The following MTREX variants were observed in gnomAD, a reference collection of about 807,000 sequenced individuals.
MTREX encodes the protein exosome RNA helicase MTR4.
MTREX carries 76 observed loss-of-function variants against 135.4 expected under a neutral mutation model. That is an observed-to-expected ratio of 0.56 (90% CI 0.47 to 0.68). The LOEUF (loss-of-function observed/expected upper bound fraction) is 0.68, where lower values mean the gene tolerates loss of function less well. MTREX is among the 30% of genes least tolerant of loss of function. The probability of loss-of-function intolerance (pLI) is 0.00; values close to 1 mark genes in which losing one functional copy is unlikely to be tolerated. For missense variants in MTREX, 920 were observed against 1,262.1 expected (o/e 0.73, Z 4.11); for synonymous variants, 404 against 401.6 (o/e 1.01, Z -0.07).
intron 11 of MTREX, among the ~76,000 whole-genome samples, chr5:55,348,974 G>A (rs372687589): frequency 3.9e-5 from 6 of 152,044 alleles, no homozygotes; most frequent in African/African-American, 1.5e-4. Context: ...AATAGTTCCT[G>A]TGTCCTGTAA....
chr5:55,377,359 T>A (rs1056181431), intron 16 of MTREX, among the ~76,000 whole-genome samples: 1 of 152,140 alleles, frequency 6.6e-6, no homozygotes, highest in Non-Finnish European at 1.5e-5. Flanking sequence ...CTATGGATTT[T>A]AAAAACGGAA....
chr5:55,390,464 A>G (rs1369057683), intron 19 of MTREX, among the ~76,000 whole-genome samples: 3 of 152,130 alleles, frequency 2.0e-5, no homozygotes, highest in Non-Finnish European at 4.4e-5. Flanking sequence ...TTACTTTTCT[A>G]AAAAAGGCTT....
chr5:55,390,090 A>G (rs1426746821), intron 19 of MTREX, among the ~76,000 whole-genome samples: 2 of 151,932 alleles, frequency 1.3e-5, no homozygotes, highest in African/African-American at 2.4e-5. Flanking sequence ...ATCAGCGTTT[A>G]TAGAAGACTA....
At chr5:55,395,101 GAT>G (rs1750627225) in intron 19 of MTREX, among the ~76,000 whole-genome samples, 1 of 150,136 alleles carries the variant, frequency 6.7e-6, no homozygotes, top group Admixed American at 6.7e-5. Flanking sequence ...TCCAGAGAGA[GAT>G]ATATAAAATA....
At chr5:55,351,218 AC>A (rs1360754787) in intron 13 of MTREX, among the ~76,000 whole-genome samples, 189 bp downstream of exon 13, 8 of 152,140 alleles carry the variant, frequency 5.3e-5, no homozygotes, top group African/African-American at 1.4e-4. Flanking sequence ...TAAAAAAAAA[AC>A]ATTTGTTTCC....
chr5:55,351,114 A>G (rs1749820457), intron 13 of MTREX, 85 bp downstream of exon 13: 4 of 1,394,066 alleles, frequency 2.9e-6, no homozygotes, highest in East Asian at 5.5e-5. Flanking sequence ...TATAGGCAAT[A>G]TGTGTGTTTT....
Position 55,424,748 on chromosome 5 carries a change from G to A in MTREX, c.3105G>A (p.Val1035=). 6.2e-7 allele frequency: 1 copy of A among 1,612,362 alleles called. No individual in the cohort carries two copies. Among genetic ancestry groups the A allele is most frequent in the Non-Finnish European group, 8.5e-7 (1 of 1,178,488 alleles). ...EGITKIKRDI[V]FAASLYL Reference sequence around the variant, plus strand: ...TCACCAAAATCAAGAGAGATATTGTGTTTGCTGCCAGCCTCTACTTGTAGA... The same window carrying A: ...TCACCAAAATCAAGAGAGATATTGTATTTGCTGCCAGCCTCTACTTGTAGA... Residue 1035 remains valine, a synonymous_variant, in exon 27 of 27, where the codon GTG becomes GTA. Transcript: ENST00000230640.
At chr5:55,385,476 C>A (rs748820823) in intron 18 of MTREX, among the ~76,000 whole-genome samples, 1 of 152,122 alleles carries the variant, frequency 6.6e-6, no homozygotes, top group Non-Finnish European at 1.5e-5. Context: ...TCCTAAAAGC[C>A]CTTTCCAAGC....
At chr5:55,389,879 T>C (rs1240633198) in intron 19 of MTREX, among the ~76,000 whole-genome samples, 2 of 152,126 alleles carry the variant, frequency 1.3e-5, no homozygotes, top group East Asian at 3.8e-4. Flanking sequence ...CCTTGTAGAT[T>C]ATCTTGAATA....
chr5:55,366,378 T>G (rs1423748011), intron 15 of MTREX, among the ~76,000 whole-genome samples: 1 of 152,162 alleles, frequency 6.6e-6, no homozygotes, highest in African/African-American at 2.4e-5. Flanking sequence ...TAATCACGGC[T>G]GCTCAGGAGG....
At chr5:55,331,593 CTTAT>C (rs1035694440) in intron 5 of MTREX, among the ~76,000 whole-genome samples, 1 of 152,178 alleles carries the variant, frequency 6.6e-6, no homozygotes, top group African/African-American at 2.4e-5. Context: ...TTTCCTAAGA[CTTAT>C]TCACGGATCA....
chr5:55,354,235 A>G (rs1749874135), intron 14 of MTREX, among the ~76,000 whole-genome samples: 1 of 152,208 alleles, frequency 6.6e-6, no homozygotes. Flanking sequence ...CTTGAGAAGT[A>G]TGTTCAGGGA....
At chr5:55,322,293 C>T (rs537323311) in intron 1 of MTREX, 34 bp from the exon 2 acceptor site, 2 of 1,569,008 alleles carry the variant, frequency 1.3e-6, no homozygotes, top group South Asian at 2.4e-5. Flanking sequence ...AAAGTGGATA[C>T]TGCAGAATTC....
At chr5:55,416,262 A>G in intron 25 of MTREX, 130 bp downstream of exon 25, 4 of 559,258 alleles carry the variant, frequency 7.2e-6, no homozygotes, top group Middle Eastern at 9.6e-4. Context: ...TCCCTATTAT[A>G]TAGATTAAAA....
intron 1 of MTREX, among the ~76,000 whole-genome samples, chr5:55,314,790 G>A (rs954458970): frequency 2.0e-5 from 3 of 152,188 alleles, no homozygotes; most frequent in Non-Finnish European, 4.4e-5. Context: ...AGCAGTAGGG[G>A]GATGGTTTTG....
intron 11 of MTREX, among the ~76,000 whole-genome samples, chr5:55,349,364 T>A (rs572191998): frequency 6.6e-6 from 1 of 152,170 alleles, no homozygotes; most frequent in Admixed American, 6.5e-5. Flanking sequence ...TTTTTTTGTA[T>A]TTTTTGTAGA....
intron 3 of MTREX, 98 bp from the exon 4 acceptor site, chr5:55,327,616 TCA>T (rs557904328): frequency 2.8e-4 from 241 of 871,760 alleles, no homozygotes; most frequent in Non-Finnish European, 4.2e-4. Flanking sequence ...CTCTAGTTCA[TCA>T]GTTTTATTTT....
chr5:55,333,736 C>T (rs1749510937), intron 5 of MTREX, among the ~76,000 whole-genome samples: 1 of 152,028 alleles, frequency 6.6e-6, no homozygotes, highest in African/African-American at 2.4e-5. Flanking sequence ...CAATTCTACT[C>T]CTAGATTTGT....
intron 16 of MTREX, among the ~76,000 whole-genome samples, chr5:55,368,753 C>A (rs1305289854): frequency 6.6e-6 from 1 of 151,960 alleles, no homozygotes; most frequent in Non-Finnish European, 1.5e-5. Context: ...TCTGTAGATA[C>A]AGGGTTTCAC....
Sources: allele counts gnomAD v4.1 joint callset (sites outside exome capture counted in the v4.1 genomes callset), GRCh38; gene constraint gnomAD v4.1.1; transcripts MANE v1.5; gene names NCBI Gene and HGNC (gene_info 2026-07-23, HGNC 2026-07-21).